Variants in CNGB3 observed in about 807,000 individuals in gnomAD.
CNGB3 encodes the protein cyclic nucleotide gated channel subunit beta 3.
Under a neutral mutation model 92.8 loss-of-function variants are expected in CNGB3, and 86 were observed. The observed-to-expected ratio is 0.93, with a 90% CI of 0.78 to 1.11. The LOEUF (loss-of-function observed/expected upper bound fraction) is 1.11. Among genes scored for constraint, CNGB3 ranks in the 50% least tolerant of loss-of-function variants. The pLI is 0.00. For missense variants in CNGB3, 1,026 were observed against 956.8 expected, an observed-to-expected ratio of 1.07 and a Z score of -0.95; for synonymous variants, 333 against 332.7, an observed-to-expected ratio of 1.00 and a Z score of -0.01.
chr8:86,723,909 C>T (rs1175502146), intron 3 of CNGB3, among the ~76,000 whole-genome samples: 1 of 152,130 alleles, frequency 6.6e-6, no homozygotes, highest in African/African-American at 2.4e-5. Flanking sequence ...GGCCATTATC[C>T]TAAGTGAACT....
chr8:86,617,290 G>A (rs1822639880), intron 13 of CNGB3, among the ~76,000 whole-genome samples: 1 of 152,104 alleles, frequency 6.6e-6, no homozygotes, highest in African/African-American at 2.4e-5. Flanking sequence ...GCTCATTTCT[G>A]CTTTCTTTGA....
intron 2 of CNGB3, among the ~76,000 whole-genome samples, chr8:86,729,686 G>C (rs1366107367): frequency 1.3e-5 from 2 of 152,238 alleles, no homozygotes; most frequent in South Asian, 2.1e-4. Context: ...CTATAGTTCA[G>C]TGTGGGTGTC....
chr8:86,586,279 A>G lies in CNGB3; in HGVS notation c.1782-7027T>C, dbSNP rs557530885. ...GTGTATGCAGATAGCCAATTAGCAA[A>G]TATTATTACTACTAAGAATATTGTA... On this transcript the variant is annotated intron_variant, in intron 15 of 17. Coordinates refer to ENST00000320005, the MANE Select transcript of CNGB3 (RefSeq NM_019098.5). Among the ~76,000 whole-genome samples, 156 of 152,260 alleles carry G rather than the reference A, an allele frequency of 1.0e-3. 2 individuals are homozygous for G. The highest frequency in any genetic ancestry group is 3.6e-3 in the African/African-American group (148 of 41,534).
intron 4 of CNGB3, among the ~76,000 whole-genome samples, chr8:86,670,118 G>T (rs111361280): frequency 6.6e-6 from 1 of 152,138 alleles, no homozygotes; most frequent in African/African-American, 2.4e-5. Context: ...AAAGGGCTAG[G>T]ATTACAGTCA....
chr8:86,716,535 T>A (rs73274892), intron 3 of CNGB3, among the ~76,000 whole-genome samples: 3 of 152,118 alleles, frequency 2.0e-5, no homozygotes, highest in Admixed American at 6.5e-5. Flanking sequence ...GCAGAAACAC[T>A]TCAAGCTAGA....
chr8:86,724,951 G>A (rs1012471634), intron 3 of CNGB3, among the ~76,000 whole-genome samples: 2 of 152,050 alleles, frequency 1.3e-5, no homozygotes, highest in East Asian at 3.9e-4. Flanking sequence ...GACCAGGCAG[G>A]GCCTGAGAGG....
intron 14 of CNGB3, among the ~76,000 whole-genome samples, chr8:86,606,729 G>A (rs1472971051): frequency 2.0e-5 from 3 of 152,106 alleles, no homozygotes. Flanking sequence ...AAGTCAAGTA[G>A]GAAACGTATC....
chr8:86,633,098 G>T (rs1563734248), intron 10 of CNGB3, among the ~76,000 whole-genome samples: 3 of 152,082 alleles, frequency 2.0e-5, no homozygotes, highest in Non-Finnish European at 4.4e-5. Flanking sequence ...CCCAAGGAGG[G>T]TGTTTACTAG....
chr8:86,585,294 CATATACATTTGTGTGTATGTAT>C (rs1821870817), intron 15 of CNGB3, among the ~76,000 whole-genome samples: 1 of 151,910 alleles, frequency 6.6e-6, no homozygotes, highest in Non-Finnish European at 1.5e-5. Context: ...CATTTATATA[CATATACATTTGTGTGTATGTAT>C]ATATATATAT....
At chr8:86,606,678 C>T (rs1408863707) in intron 14 of CNGB3, among the ~76,000 whole-genome samples, 2 of 152,178 alleles carry the variant, frequency 1.3e-5, no homozygotes, top group African/African-American at 4.8e-5. Context: ...TAAAGCATCT[C>T]ATAGATATTA....
rs186370374 is a variant in CNGB3 at position 86,575,679 on chromosome 8, C to G, written c.*125G>C. 1,906 of 745,864 alleles carry G rather than the reference C, an allele frequency of 2.6e-3. 24 individuals carry two copies. Among genetic ancestry groups the G allele is most frequent in the South Asian group, 0.018 (971 of 54,648 alleles). The allele number at this position is 745,864 out of a possible 1,614,324, so 46.2% of individuals were successfully genotyped here. A position where few individuals can be genotyped will look rare whatever the true frequency, so the allele number is the denominator to read the frequency against. The stretch of plus-strand genomic sequence containing the variant: ...TCTCAGATAAGTCCTAGAAACTAAG[C>G]TAGGGATTTGCCTTTCGTTTCTCAA... On this transcript the variant is annotated 3_prime_UTR_variant, in exon 18 of 18. Transcript: ENST00000320005.
intron 10 of CNGB3, among the ~76,000 whole-genome samples, chr8:86,640,162 G>A (rs1451137306): frequency 1.3e-5 from 2 of 152,036 alleles, no homozygotes; most frequent in African/African-American, 4.8e-5. Context: ...ACACTTTGAT[G>A]ATATATTGGC....
chr8:86,743,442 A>G, intron 1 of CNGB3, 57 bp downstream of exon 1: 1 of 1,602,544 alleles, frequency 6.2e-7, no homozygotes, highest in South Asian at 1.1e-5. Flanking sequence ...ATTAAATGCT[A>G]TTACCAGATA....
At chr8:86,741,828 C>T (rs189809704) in intron 1 of CNGB3, among the ~76,000 whole-genome samples, 13 of 152,306 alleles carry the variant, frequency 8.5e-5, no homozygotes, top group African/African-American at 3.1e-4. Flanking sequence ...GGAAAGATAA[C>T]TCTTTAAGAA....
chr8:86,593,512 A>G (rs1299961712), intron 15 of CNGB3, among the ~76,000 whole-genome samples: 3 of 152,166 alleles, frequency 2.0e-5, no homozygotes, highest in Non-Finnish European at 4.4e-5. Context: ...TTTCCTATGT[A>G]ATGACCATAT....
At chr8:86,709,850 C>A (rs1450203786) in intron 3 of CNGB3, among the ~76,000 whole-genome samples, 3 of 152,092 alleles carry the variant, frequency 2.0e-5, no homozygotes, top group African/African-American at 7.2e-5. Context: ...AAATTTCCAT[C>A]AGAAATTTAA....
chr8:86,728,429 C>G (rs1446036389), intron 2 of CNGB3, among the ~76,000 whole-genome samples: 5 of 152,070 alleles, frequency 3.3e-5, no homozygotes, highest in African/African-American at 9.7e-5. Flanking sequence ...GATCTGTTTT[C>G]CTTATGTGTT....
Position 86,632,757 on chromosome 8 carries a change from C to CA in CNGB3, c.1314dup (p.Gly439TrpfsTer23), listed in dbSNP as rs766415321. The CA allele has an allele frequency of 6.2e-7, 1 of 1,612,912 alleles. No individual in the cohort carries two copies. The highest frequency in any genetic ancestry group is 8.5e-7 in the Non-Finnish European group (1 of 1,179,706). Reference sequence around the variant, plus strand: ...GTGATTCATACTCAGCTTACCTGACCAATTAAACTGGAGAACACAAAAACT... The same window carrying CA: ...GTGATTCATACTCAGCTTACCTGACCAAATTAAACTGGAGAACACAAAAACT... On this transcript the variant is annotated frameshift_variant, in exon 11 of 18. Transcript: ENST00000320005. LOFTEE classifies it high-confidence loss of function.
chr8:86,595,300 T>G (rs923928086), intron 15 of CNGB3, among the ~76,000 whole-genome samples: 1 of 152,214 alleles, frequency 6.6e-6, no homozygotes, highest in African/African-American at 2.4e-5. Flanking sequence ...TGTCAAGGTA[T>G]GACTCTCAGA....
Sources: gnomAD v4.1 joint callset for allele counts (sites outside exome capture counted in the v4.1 genomes callset) on GRCh38, gnomAD v4.1.1 for gene constraint, MANE v1.5 for transcripts, NCBI Gene and HGNC (gene_info 2026-07-23, HGNC 2026-07-21) for gene names.